Variants in RELN observed in about 807,000 individuals in gnomAD.
RELN encodes the protein reelin.
A neutral mutation model predicts 427.6 loss-of-function variants in RELN; 108 were observed. The observed-to-expected ratio is 0.25, with a 90% CI of 0.22 to 0.30. The LOEUF is 0.30. Among genes scored for constraint, RELN ranks in the 10% least tolerant of loss-of-function variants. The pLI is 1.00. For synonymous variants in RELN, 1,524 were observed against 1,513.4 expected (o/e 1.01, Z -0.16); for missense variants, 3,715 against 4,302.8 (o/e 0.86, Z 3.82).
intron 3 of RELN, among the ~76,000 whole-genome samples, chr7:103,780,662 T>C (rs1403871716): frequency 6.6e-6 from 1 of 152,262 alleles, no homozygotes; most frequent in Admixed American, 6.5e-5. Flanking sequence ...TTTGGTTTTC[T>C]GTTCCTATGT....
chr7:103,764,114 G>A (rs771670876), intron 4 of RELN, among the ~76,000 whole-genome samples: 104 of 152,282 alleles, frequency 6.8e-4, no homozygotes, highest in Non-Finnish European at 1.2e-3. Context: ...GTTCAGTTTA[G>A]AATATATTGA....
intron 31 of RELN, among the ~76,000 whole-genome samples, chr7:103,568,313 C>T (rs917039725): frequency 6.6e-6 from 1 of 151,964 alleles, no homozygotes; most frequent in Non-Finnish European, 1.5e-5. Flanking sequence ...AAGGATGATG[C>T]CAGGAACAAA....
chr7:103,794,515 A>T (rs1178754634), intron 3 of RELN, among the ~76,000 whole-genome samples: 2 of 152,170 alleles, frequency 1.3e-5, no homozygotes, highest in African/African-American at 2.4e-5. Context: ...TGGTAGATGC[A>T]TATCACATGC....
chr7:103,839,964 G>A (rs895936136), intron 2 of RELN, among the ~76,000 whole-genome samples: 1 of 152,106 alleles, frequency 6.6e-6, no homozygotes, highest in Admixed American at 6.5e-5. Context: ...TCTCGTGATC[G>A]TGAGTTCTCA....
intron 3 of RELN, among the ~76,000 whole-genome samples, chr7:103,796,145 T>A (rs1242781208): frequency 6.6e-6 from 1 of 152,212 alleles, no homozygotes; most frequent in African/African-American, 2.4e-5. Context: ...TTTGGAACAC[T>A]GAACTGAGTG....
chr7:103,783,728 G>A (rs540649351), intron 3 of RELN, among the ~76,000 whole-genome samples: 46 of 152,216 alleles, frequency 3.0e-4, no homozygotes, highest in African/African-American at 1.1e-3. Flanking sequence ...CTTTAAGTAT[G>A]GCAAATCAAT....
At chr7:103,949,893 TTC>T (rs1486005824) in intron 1 of RELN, among the ~76,000 whole-genome samples, 2 of 152,226 alleles carry the variant, frequency 1.3e-5, no homozygotes, top group Non-Finnish European at 2.9e-5. Context: ...GAATTTATAT[TTC>T]TGTGTCAAAA....
intron 8 of RELN, among the ~76,000 whole-genome samples, chr7:103,707,457 C>A (rs1160095476): frequency 6.6e-6 from 1 of 151,804 alleles, no homozygotes; most frequent in Non-Finnish European, 1.5e-5. Flanking sequence ...TATTTGCTTC[C>A]TAAATAACAC....
At chr7:103,478,809 T>C (rs1828128533) in intron 63 of RELN, among the ~76,000 whole-genome samples, 2 of 152,216 alleles carry the variant, frequency 1.3e-5, no homozygotes, top group Non-Finnish European at 2.9e-5. Flanking sequence ...AGAAGTCTCC[T>C]ATGTCAGATA....
chr7:103,652,702 A>C lies in RELN; in HGVS notation c.1612T>G (p.Phe538Val), dbSNP rs546774107. Residue 538 changes from phenylalanine (F) to valine (V), a missense_variant, in exon 14 of 65, where the codon TTT becomes GTT. Transcript: ENST00000428762. ...TGATGGTTCTTTTGCCTGAGACAAA[A>C]TTTGGTAGCAGGAGTCTGAAGTTCA... is the stretch of plus-strand genomic sequence containing the variant. ...NPELQTPATK[F>V]CLRQKNHQGH... 6.2e-7 allele frequency: 1 copy of C among 1,612,926 alleles called. No homozygotes were observed. Among genetic ancestry groups the C allele is most frequent in the Non-Finnish European group, 8.5e-7 (1 of 1,179,254 alleles).
intron 4 of RELN, among the ~76,000 whole-genome samples, chr7:103,770,076 T>TTATG (rs1336114898): frequency 2.5e-5 from 2 of 81,568 alleles, no homozygotes. Context: ...CTTTTTTACT[T>TTATG]TATTTATTTA....
At chr7:103,604,521 C>T (rs1189962549) in intron 22 of RELN, 38 bp from the exon 23 acceptor site, 1 of 1,612,320 alleles carries the variant, frequency 6.2e-7, no homozygotes, top group Non-Finnish European at 8.5e-7. Context: ...ACGGTTTCAA[C>T]CTTTCAGCAG....
At chr7:103,748,429 ACAAACTC>A (rs1324893805) in intron 6 of RELN, among the ~76,000 whole-genome samples, 2 of 152,178 alleles carry the variant, frequency 1.3e-5, no homozygotes, top group Non-Finnish European at 2.9e-5. Flanking sequence ...ACTTTCTCGA[ACAAACTC>A]CCACCAGAGT....
At position 103,636,232 on chromosome 7, in the gene RELN, C is replaced by A; in HGVS notation, c.2303+3G>T. On this transcript the variant is annotated splice_donor_region_variant and intron_variant, in intron 18 of 64. Transcript: ENST00000428762. ...GTATGTATTCTACCCTGCCTTCACT[C>A]ACCTGGATTGTGAGCTGTCAAGGAA... 6.2e-7 allele frequency: 1 copy of A among 1,602,024 alleles called. No individual in the cohort carries two copies. The highest frequency in any genetic ancestry group is 1.1e-5 in the South Asian group (1 of 90,792).
chr7:103,536,327 C>T (rs1232700990), intron 45 of RELN, among the ~76,000 whole-genome samples: 1 of 152,172 alleles, frequency 6.6e-6, no homozygotes. Context: ...TTATTTCTCT[C>T]TCCCTATTCA....
intron 61 of RELN, among the ~76,000 whole-genome samples, chr7:103,485,509 C>A (rs79673998): frequency 0.014 from 2,134 of 152,144 alleles, 61 homozygotes; most frequent in African/African-American, 0.05. Flanking sequence ...ACCTAGCAAC[C>A]TTTTTTAAGC....
At chr7:103,987,477 T>C (rs182953996) in intron 1 of RELN, among the ~76,000 whole-genome samples, 147 of 152,330 alleles carry the variant, frequency 9.7e-4, no homozygotes, top group African/African-American at 3.4e-3. Flanking sequence ...TTCCAAAGGA[T>C]GTGGAAAACA....
chr7:103,687,954 G>T (rs1340441522), intron 10 of RELN, among the ~76,000 whole-genome samples: 5 of 151,944 alleles, frequency 3.3e-5, no homozygotes, highest in Admixed American at 6.6e-5. Flanking sequence ...AGGCCTCATT[G>T]GGGGGAATTG....
intron 2 of RELN, among the ~76,000 whole-genome samples, chr7:103,905,751 G>A (rs943266195): frequency 3.4e-5 from 5 of 148,350 alleles, no homozygotes; most frequent in Non-Finnish European, 6.0e-5. Flanking sequence ...CTTTGTCTTC[G>A]AAGAGACTTA....
Sources: gnomAD v4.1 joint callset for allele counts (sites outside exome capture counted in the v4.1 genomes callset) on GRCh38, gnomAD v4.1.1 for gene constraint, MANE v1.5 for transcripts, NCBI Gene and HGNC (gene_info 2026-07-23, HGNC 2026-07-21) for gene names.